ACACA: variants seen among roughly 807,000 people sequenced by gnomAD.
ACACA encodes acetyl-CoA carboxylase 1.
A neutral mutation model predicts 296.1 loss-of-function variants in ACACA; 103 were observed. The observed-to-expected ratio is 0.35, with a 90% CI of 0.30 to 0.41. The LOEUF is 0.41. ACACA is among the 10% of genes least tolerant of loss of function. ACACA has a pLI of 1.00. For synonymous variants in ACACA, 953 were observed against 1,038.6 expected (o/e 0.92, Z 1.58); for missense variants, 1,554 against 2,989.7 (o/e 0.52, Z 11.20).
chr17:37,139,168 T>C (rs1235984381), intron 45 of ACACA, among the ~76,000 whole-genome samples: 2 of 152,116 alleles, frequency 1.3e-5, no homozygotes, highest in Non-Finnish European at 2.9e-5. Context: ...TATGAAGGTG[T>C]AACACACAAC....
chr17:37,293,010 A>G (rs1238976574), intron 3 of ACACA, among the ~76,000 whole-genome samples: 2 of 152,258 alleles, frequency 1.3e-5, no homozygotes, highest in African/African-American at 4.8e-5. Context: ...ATGCTTAACT[A>G]TATATTAAAA....
At chr17:37,188,928 C>G (rs145455983) in intron 38 of ACACA, among the ~76,000 whole-genome samples, 33 of 152,292 alleles carry the variant, frequency 2.2e-4, no homozygotes, top group African/African-American at 7.9e-4. Flanking sequence ...GCAATTACCA[C>G]CATGAGCTTT....
intron 54 of ACACA, 147 bp from the exon 55 acceptor site, chr17:37,089,221 G>A: frequency 2.5e-6 from 3 of 1,207,170 alleles, no homozygotes; most frequent in Non-Finnish European, 3.6e-6. Flanking sequence ...GCAGGAGGAG[G>A]AAGTAGGCCT....
rs965885599 is a variant in ACACA, at chr17:37,376,021, A to G, written c.38+30241T>C. On this transcript the variant is annotated intron_variant, in intron 1 of 55. Transcript: ENST00000616317. ...CCAGCTGCGTGTGGTGAAAGCAACTAGAGGCAGAGCTATCAAGGGCTGTGA... is the reference window on the plus strand; with the variant it reads ...CCAGCTGCGTGTGGTGAAAGCAACTGGAGGCAGAGCTATCAAGGGCTGTGA... 118 of 1,332,058 alleles carry G rather than the reference A, an allele frequency of 8.9e-5. No homozygotes were observed. In the African/African-American group the frequency reaches 1.5e-3, roughly 17 times the overall value. 82.5% of individuals were successfully genotyped at this position (1,332,058 alleles called of 1,614,324 possible).
At chr17:37,338,906 C>T (rs948809471) in intron 2 of ACACA, among the ~76,000 whole-genome samples, 3 of 148,852 alleles carry the variant, frequency 2.0e-5, no homozygotes, top group African/African-American at 5.0e-5. Flanking sequence ...CGCCACTGCA[C>T]TCTAGCCTGG....
At chr17:37,171,768 T>G (rs1380256990) in intron 41 of ACACA, among the ~76,000 whole-genome samples, 2 of 152,214 alleles carry the variant, frequency 1.3e-5, no homozygotes, top group Admixed American at 6.5e-5. Context: ...ACAGGGAAAT[T>G]ATTTCTCCCT....
intron 48 of ACACA, among the ~76,000 whole-genome samples, chr17:37,124,532 T>C (rs1293744417): frequency 6.6e-6 from 1 of 152,188 alleles, no homozygotes; most frequent in African/African-American, 2.4e-5. Flanking sequence ...CCGTGAGGAA[T>C]CTAACAAGCT....
chr17:37,148,630 T>G (rs978379262), intron 45 of ACACA, among the ~76,000 whole-genome samples: 4 of 152,224 alleles, frequency 2.6e-5, no homozygotes, highest in Non-Finnish European at 5.9e-5. Flanking sequence ...TGATACAATT[T>G]AGTATGTGTA....
Position 37,235,132 on chromosome 17 carries a change from A to T in ACACA, c.3122-33T>A, listed in dbSNP as rs373502062. The T allele has an allele frequency of 9.7e-5, 157 of 1,611,774 alleles. 1 individual carries two copies. The highest frequency in any genetic ancestry group is 6.6e-4 in the Middle Eastern group (4 of 6,056). On this transcript the variant is annotated intron_variant, in intron 24 of 55. Transcript: ENST00000616317. ...CCATGAAAAGAACTGGTTCTCACCC[A>T]TGTATAAATGTTCACATTTACATGC...
chr17:37,200,344 A>G, intron 34 of ACACA, 83 bp downstream of exon 34: 13 of 1,419,764 alleles, frequency 9.2e-6, no homozygotes, highest in Middle Eastern at 3.5e-4. Flanking sequence ...CCTATTAGTA[A>G]GTATAAGATT....
intron 3 of ACACA, among the ~76,000 whole-genome samples, chr17:37,323,848 G>A (rs1242770014): frequency 6.6e-6 from 1 of 152,178 alleles, no homozygotes; most frequent in Non-Finnish European, 1.5e-5. Context: ...AAAACGATCT[G>A]ACCTCAAGTG....
Position 37,260,095 on chromosome 17 carries a change from T to G in ACACA, c.1330-565A>C, listed in dbSNP as rs1197833658. ...TGGGGTTTCCCCATGTTGGCCAGCCTGGTCTCAAACTCCTGACCTCAAGTG... is the reference window on the plus strand; with the variant it reads ...TGGGGTTTCCCCATGTTGGCCAGCCGGGTCTCAAACTCCTGACCTCAAGTG... On this transcript the variant is annotated intron_variant, in intron 11 of 55. Coordinates refer to ENST00000616317, the MANE Select transcript of ACACA (RefSeq NM_198834.3). 2.0e-5 allele frequency among the ~76,000 whole-genome samples: 3 copies of G among 150,356 alleles called. No homozygotes were observed. In the East Asian group the frequency reaches 5.9e-4, roughly 29 times the overall value.
chr17:37,175,538 C>CTGT (rs1361194788), intron 41 of ACACA, among the ~76,000 whole-genome samples: 2 of 152,240 alleles, frequency 1.3e-5, no homozygotes, highest in Non-Finnish European at 1.5e-5. Flanking sequence ...CAACAGCACA[C>CTGT]ATTCATCTAG....
At chr17:37,138,247 A>T (rs2075412490) in intron 45 of ACACA, among the ~76,000 whole-genome samples, 1 of 152,196 alleles carries the variant, frequency 6.6e-6, no homozygotes, top group Admixed American at 6.5e-5. Context: ...CTAGATTTGG[A>T]TCCATGCACA....
intron 45 of ACACA, chr17:37,144,411 G>A (rs138329327): frequency 1.5e-5 from 5 of 342,032 alleles, no homozygotes; most frequent in Non-Finnish European, 2.2e-5. Flanking sequence ...AATGCTGCCC[G>A]CCCCACAGTG....
At chr17:37,345,037 C>A (rs2048553565) in intron 1 of ACACA, among the ~76,000 whole-genome samples, 1 of 152,094 alleles carries the variant, frequency 6.6e-6, no homozygotes, top group Non-Finnish European at 1.5e-5. Context: ...GTAAGATTTT[C>A]CGGTCCTCTT....
chr17:37,263,069 C>A (rs1192519267), intron 11 of ACACA, among the ~76,000 whole-genome samples: 1 of 152,110 alleles, frequency 6.6e-6, no homozygotes, highest in Non-Finnish European at 1.5e-5. Context: ...TACAGCAGTT[C>A]AAGAGTACAT....
chr17:37,347,310 T>C (rs1300964030), intron 1 of ACACA, among the ~76,000 whole-genome samples: 1 of 152,174 alleles, frequency 6.6e-6, no homozygotes, highest in South Asian at 2.1e-4. Flanking sequence ...GCACAGTAAG[T>C]GCATTAAACC....
intron 1 of ACACA, chr17:37,387,295 T>C (rs1382287671): frequency 2.0e-5 from 3 of 151,628 alleles, no homozygotes; most frequent in Non-Finnish European, 4.4e-5. Context: ...AATTTTTGTA[T>C]TTTTAGCAGA....
Sources: allele counts gnomAD v4.1 joint callset (sites outside exome capture counted in the v4.1 genomes callset), GRCh38; gene constraint gnomAD v4.1.1; transcripts MANE v1.5; gene names NCBI Gene and HGNC (gene_info 2026-07-23, HGNC 2026-07-21).